SEPTIN2: variants seen among roughly 807,000 people sequenced by gnomAD.
SEPTIN2 encodes the protein septin-2.
SEPTIN2 carries 34 observed loss-of-function variants against 46.5 expected under a neutral mutation model. That is an observed-to-expected ratio of 0.73 (90% CI 0.56 to 0.97). SEPTIN2 has a LOEUF of 0.97. SEPTIN2 is among the 50% of genes least tolerant of loss of function. The pLI, the probability that SEPTIN2 is intolerant of heterozygous loss-of-function variation, is 0.00. For missense variants in SEPTIN2, 347 were observed against 448.4 expected (o/e 0.77, Z 2.04); for synonymous variants, 175 against 153.4 (o/e 1.14, Z -1.04).
intron 3 of SEPTIN2, among the ~76,000 whole-genome samples, chr2:241,333,576 C>T (rs1367596819): frequency 1.3e-5 from 2 of 152,104 alleles, no homozygotes; most frequent in Admixed American, 6.6e-5. Context: ...GTGGTGCGAT[C>T]TCGGCTCACT....
intron 1 of SEPTIN2, among the ~76,000 whole-genome samples, chr2:241,320,039 T>C (rs554144439): frequency 1.4e-4 from 21 of 152,230 alleles, no homozygotes; most frequent in African/African-American, 4.8e-4. Flanking sequence ...TGGAATCTAA[T>C]TGCTAGCAAA....
chr2:241,337,770 C>T lies in SEPTIN2; in HGVS notation c.574C>T (p.Arg192Trp), dbSNP rs755583900. Residue 192 changes from arginine (R) to tryptophan (W), a missense_variant, in exon 7 of 13, where the codon CGG (arginine) becomes TGG (tryptophan). Transcript: ENST00000391971. Reference sequence around the variant, plus strand: ...AGCTGACACTCTCACCCTGAAGGAACGGGAGCGGCTGAAGAAAAGGGTGAG... The same window carrying T: ...AGCTGACACTCTCACCCTGAAGGAATGGGAGCGGCTGAAGAAAAGGGTGAG... ...AKADTLTLKE[R>W]ERLKKRILDE... 2.5e-6 allele frequency: 4 copies of T among 1,613,612 alleles called. No individual in the cohort carries two copies. The highest frequency in any genetic ancestry group is 2.5e-6 in the Non-Finnish European group (3 of 1,179,758).
At position 241,352,366 on chromosome 2, in the gene SEPTIN2, G is replaced by A. The variant is rs2060855965; in HGVS notation, c.*429G>A. Reference sequence around the variant, plus strand: ...TTAGTGGTAGAGGTGTGTGCCTAGTGATGTAGAAAGATACACTGACTTGGT... The same window carrying A: ...TTAGTGGTAGAGGTGTGTGCCTAGTAATGTAGAAAGATACACTGACTTGGT... On this transcript the variant is annotated 3_prime_UTR_variant, in exon 13 of 13. Transcript: ENST00000391971. 1 of 152,588 alleles carries A rather than the reference G, an allele frequency of 6.6e-6. No individual in the cohort carries two copies. 9.5% of individuals were successfully genotyped at this position (152,588 alleles called of 1,614,324 possible).
chr2:241,334,700 G>T (rs1214396497), intron 3 of SEPTIN2, among the ~76,000 whole-genome samples: 1 of 152,240 alleles, frequency 6.6e-6, no homozygotes, highest in African/African-American at 2.4e-5. Flanking sequence ...CACAAGGGTT[G>T]TTGACACTAT....
chr2:241,338,859 A>AT (rs2080737734), intron 7 of SEPTIN2, among the ~76,000 whole-genome samples: 16 of 27,504 alleles, frequency 5.8e-4, no homozygotes, highest in Non-Finnish European at 1.1e-3. Context: ...AATATATATA[A>AT]AAATATATAT....
chr2:241,338,329 T>C (rs554688535), intron 7 of SEPTIN2, among the ~76,000 whole-genome samples: 14 of 152,226 alleles, frequency 9.2e-5, no homozygotes, highest in African/African-American at 3.4e-4. Context: ...TTAAATTGCT[T>C]ACTTTGTTCT....
intron 11 of SEPTIN2, among the ~76,000 whole-genome samples, chr2:241,349,490 C>T (rs1454099619): frequency 1.3e-5 from 2 of 152,006 alleles, no homozygotes; most frequent in Admixed American, 1.3e-4. Context: ...TTGCATTTCT[C>T]ACTGTCATCA....
intron 11 of SEPTIN2, 89 bp downstream of exon 11, chr2:241,348,280 T>C: frequency 5.8e-6 from 6 of 1,037,648 alleles, no homozygotes; most frequent in Non-Finnish European, 8.7e-6. Flanking sequence ...CAGGCTGGAG[T>C]GCAGTGGCGT....
chr2:241,339,889 C>T (rs986096512), intron 7 of SEPTIN2, among the ~76,000 whole-genome samples: 15 of 152,320 alleles, frequency 9.8e-5, no homozygotes, highest in African/African-American at 3.6e-4. Context: ...CTCCTGACCC[C>T]TGACCCCAGG....
intron 7 of SEPTIN2, among the ~76,000 whole-genome samples, chr2:241,339,100 A>G (rs997427743): frequency 7.0e-6 from 1 of 142,670 alleles, no homozygotes; most frequent in Non-Finnish European, 1.5e-5. Flanking sequence ...TTTTAAAATA[A>G]AAGAGTTTCT....
intron 12 of SEPTIN2, 130 bp downstream of exon 12, chr2:241,350,333 A>G (rs1006836328): frequency 2.8e-5 from 12 of 428,488 alleles, no homozygotes; most frequent in Non-Finnish European, 4.6e-5. Context: ...CTAATCTTAA[A>G]CAAGGAGAGA....
intron 3 of SEPTIN2, among the ~76,000 whole-genome samples, chr2:241,328,727 A>T (rs1346609798): frequency 6.6e-6 from 1 of 151,206 alleles, no homozygotes; most frequent in Admixed American, 6.6e-5. Context: ...GGGCAACAAG[A>T]GAGAAACTCC....
At chr2:241,333,904 G>A (rs547868091) in intron 3 of SEPTIN2, among the ~76,000 whole-genome samples, 152 of 152,292 alleles carry the variant, frequency 1.0e-3, no homozygotes, top group African/African-American at 3.5e-3. Context: ...AGGCTGAAGT[G>A]CAGTGGCATG....
At chr2:241,338,315 A>G (rs1036612901) in intron 7 of SEPTIN2, among the ~76,000 whole-genome samples, 2 of 151,992 alleles carry the variant, frequency 1.3e-5, no homozygotes, top group Non-Finnish European at 2.9e-5. Flanking sequence ...TCTGCTATAT[A>G]TTTTTAAATT....
At chr2:241,344,204 C>G (rs895092664) in intron 9 of SEPTIN2, among the ~76,000 whole-genome samples, 2 of 152,090 alleles carry the variant, frequency 1.3e-5, no homozygotes, top group Non-Finnish European at 2.9e-5. Flanking sequence ...AGAACCTAAA[C>G]TGGGGTCTGA....
At chr2:241,345,598 TA>T (rs1003390757) in intron 9 of SEPTIN2, among the ~76,000 whole-genome samples, 10 of 152,168 alleles carry the variant, frequency 6.6e-5, no homozygotes, top group Admixed American at 6.5e-5. Context: ...GCTAGGCAAT[TA>T]AAAAAAATTT....
intron 1 of SEPTIN2, chr2:241,316,543 C>T (rs1177069582): frequency 2.6e-6 from 4 of 1,520,552 alleles, no homozygotes; most frequent in Non-Finnish European, 3.5e-6. Flanking sequence ...CGACGAAGGT[C>T]TGCACCAGCG....
At chr2:241,342,576 C>T (rs906530847) in intron 7 of SEPTIN2, among the ~76,000 whole-genome samples, 9 of 132,696 alleles carry the variant, frequency 6.8e-5, no homozygotes, top group East Asian at 4.2e-4. Context: ...AGTCTTGCTC[C>T]GTCACCCAGG....
At chr2:241,328,250 C>G (rs1450621955) in intron 3 of SEPTIN2, among the ~76,000 whole-genome samples, 1 of 152,040 alleles carries the variant, frequency 6.6e-6, no homozygotes, top group African/African-American at 2.4e-5. Context: ...GCCTGGCCAA[C>G]ATGGCAAAAC....
Sources: gnomAD v4.1 joint callset for allele counts (sites outside exome capture counted in the v4.1 genomes callset) on GRCh38, gnomAD v4.1.1 for gene constraint, MANE v1.5 for transcripts, NCBI Gene and HGNC (gene_info 2026-07-23, HGNC 2026-07-21) for gene names.